UEVLD: variants seen among roughly 807,000 people sequenced by gnomAD.
UEVLD encodes ubiquitin-conjugating enzyme E2 variant 3.
In UEVLD, 47 loss-of-function variants were observed where a neutral mutation model predicts 58.6. The ratio of observed to expected loss-of-function variants is 0.80; its 90% CI spans 0.63 to 1.02. The LOEUF (loss-of-function observed/expected upper bound fraction) is 1.02. Ranked by LOEUF, UEVLD falls within the 50% of genes least tolerant of loss-of-function variation. UEVLD has a pLI of 0.00. For missense variants in UEVLD, 510 were observed against 550.6 expected, an observed-to-expected ratio of 0.93 and a Z score of 0.74; for synonymous variants, 197 against 195.3, an observed-to-expected ratio of 1.01 and a Z score of -0.07.
chr11:18,535,224 T>A (rs1049888829), intron 10 of UEVLD, among the ~76,000 whole-genome samples: 1 of 152,196 alleles, frequency 6.6e-6, no homozygotes, highest in Non-Finnish European at 1.5e-5. Flanking sequence ...GCTCAACTGA[T>A]CCTCCCATTT....
chr11:18,544,450 G>A (rs1448343592), intron 9 of UEVLD, among the ~76,000 whole-genome samples, 173 bp downstream of exon 9: 2 of 151,900 alleles, frequency 1.3e-5, no homozygotes, highest in Non-Finnish European at 2.9e-5. Flanking sequence ...TGGGACTACA[G>A]GCATGCACTA....
intron 6 of UEVLD, chr11:18,563,584 CT>C: frequency 1.3e-6 from 1 of 767,800 alleles, no homozygotes; most frequent in African/African-American, 1.9e-5. Flanking sequence ...GAACATGACC[CT>C]GTCTAAATAA....
At chr11:18,564,829 A>G (rs1852217654) in intron 6 of UEVLD, 63 bp downstream of exon 6, 7 of 1,229,860 alleles carry the variant, frequency 5.7e-6, no homozygotes, top group Non-Finnish European at 6.8e-6. Context: ...GGTGTGTAAA[A>G]CACAACCTGC....
At chr11:18,536,642 C>A in intron 9 of UEVLD, 173 bp from the exon 10 acceptor site, 3 of 559,976 alleles carry the variant, frequency 5.4e-6, no homozygotes, top group Non-Finnish European at 6.3e-6. Flanking sequence ...GTACCACTAG[C>A]CCGAGGTGAG....
chr11:18,585,510 G>A (rs894650545), intron 1 of UEVLD, among the ~76,000 whole-genome samples: 31 of 152,120 alleles, frequency 2.0e-4, no homozygotes, highest in African/African-American at 7.5e-4. Flanking sequence ...ACGATTCTAA[G>A]CCCTTTAGTC....
At position 18,578,720 on chromosome 11, in the gene UEVLD, T is replaced by C; in HGVS notation, c.127+4A>G. 1 of 1,592,530 alleles carries C rather than the reference T, an allele frequency of 6.3e-7. No individual in the cohort carries two copies. The highest frequency in any genetic ancestry group is 1.8e-5 in the Admixed American group (1 of 56,586). On this transcript the variant is annotated splice_donor_region_variant and intron_variant, in intron 2 of 11. Coordinates refer to ENST00000396197, the MANE Select transcript of UEVLD (RefSeq NM_001040697.4). The stretch of plus-strand genomic sequence containing the variant: ...GCATTTAAACTAGAGGATATGATTC[T>C]TACCATAGGTGTCCATGGAATATTT...
chr11:18,583,747 C>T (rs931068698), intron 1 of UEVLD, among the ~76,000 whole-genome samples: 20 of 149,932 alleles, frequency 1.3e-4, no homozygotes, highest in African/African-American at 4.9e-4. Context: ...CCGCAACCTG[C>T]ACTGCCCAGG....
chr11:18,583,956 A>AT (rs901571015), intron 1 of UEVLD, among the ~76,000 whole-genome samples: 3 of 152,126 alleles, frequency 2.0e-5, no homozygotes, highest in African/African-American at 7.2e-5. Flanking sequence ...CCACCGCAGT[A>AT]TTACCATTTT....
intron 3 of UEVLD, among the ~76,000 whole-genome samples, chr11:18,573,259 T>C (rs1336994489): frequency 6.6e-6 from 1 of 152,226 alleles, no homozygotes; most frequent in African/African-American, 2.4e-5. Context: ...CAGTAATTCA[T>C]TTAAATTCAC....
intron 9 of UEVLD, among the ~76,000 whole-genome samples, chr11:18,541,846 G>C (rs1168504325): frequency 6.6e-6 from 1 of 152,166 alleles, no homozygotes; most frequent in Non-Finnish European, 1.5e-5. Flanking sequence ...GCTGTGGGGT[G>C]GGCCTGGGAG....
chr11:18,545,054 ATATC>A (rs1320703096), intron 8 of UEVLD, among the ~76,000 whole-genome samples: 2 of 28,170 alleles, frequency 7.1e-5, no homozygotes, highest in Non-Finnish European at 7.2e-5. Context: ...ATCTATATCT[ATATC>A]TATATCTATA....
chr11:18,549,111 T>A (rs1205200176), intron 7 of UEVLD, among the ~76,000 whole-genome samples: 1 of 152,238 alleles, frequency 6.6e-6, no homozygotes, highest in Non-Finnish European at 1.5e-5. Context: ...TTAAATAAAC[T>A]GCTCAAAGTC....
rs1565125565 is a variant in UEVLD at position 18,560,137 on chromosome 11, A to ACACAC, written c.613-1808_613-1807insGTGTG. Among the ~76,000 whole-genome samples, 3 of 80,236 alleles carry ACACAC rather than the reference A, an allele frequency of 3.7e-5. 1 individual carries two copies. In the East Asian group the frequency reaches 1.7e-3, roughly 46 times the overall value. 52.6% of individuals were successfully genotyped at this position (80,236 alleles called of 152,430 possible). On this transcript the variant is annotated intron_variant, in intron 6 of 11. Coordinates refer to ENST00000396197, the MANE Select transcript of UEVLD (RefSeq NM_001040697.4). Reference sequence around the variant, plus strand: ...CACACACACACACACACACACACACACAGAGAGAGAAAGAAAATAACCCTG... The same window carrying ACACAC: ...CACACACACACACACACACACACACACACACCAGAGAGAGAAAGAAAATAACCCTG...
rs533020099 is a variant in UEVLD, at chr11:18,566,399, AGAT to A, written c.438_440del (p.Ser147del). 10 of 1,614,054 alleles carry A rather than the reference AGAT, an allele frequency of 6.2e-6. No homozygotes were observed. The highest frequency in any genetic ancestry group is 1.3e-5 in the African/African-American group (1 of 74,948). ...GCAAGTCTACCTGCCGTGCCTCATCAGATGATGATAGAGAATACATGGGAAGTT... is the reference window on the plus strand; with the variant it reads ...GCAAGTCTACCTGCCGTGCCTCATCAGATGATAGAGAATACATGGGAAGTT... On this transcript the variant is annotated inframe_deletion, in exon 5 of 12. Transcript: ENST00000396197.
intron 7 of UEVLD, among the ~76,000 whole-genome samples, chr11:18,552,530 G>A (rs949769044): frequency 2.6e-5 from 4 of 151,950 alleles, no homozygotes; most frequent in Admixed American, 6.6e-5. Context: ...CTGAGCAACC[G>A]AGCGAGACTG....
At chr11:18,561,569 CG>C (rs1852034162) in intron 6 of UEVLD, among the ~76,000 whole-genome samples, 1 of 152,080 alleles carries the variant, frequency 6.6e-6, no homozygotes, top group Non-Finnish European at 1.5e-5. Context: ...TGGCCAGGCA[CG>C]GTGGCTCACG....
intron 9 of UEVLD, among the ~76,000 whole-genome samples, chr11:18,538,190 G>A (rs1850890893): frequency 6.6e-6 from 1 of 152,090 alleles, no homozygotes; most frequent in African/African-American, 2.4e-5. Flanking sequence ...GACCCCATAT[G>A]TATCCAGATG....
In UEVLD at chr11:18,544,738, G is replaced by C. The variant is rs369393581; in HGVS notation, c.945C>G (p.Ile315Met). The change falls in exon 9 of 12, where the codon ATC becomes ATG. Residue 315 changes from isoleucine (I) to methionine (M), a missense_variant. By Grantham distance (10) the Ile-to-Met change is conservative. Coordinates refer to ENST00000396197, the MANE Select transcript of UEVLD (RefSeq NM_001040697.4). ...KLSTFPANRV[I>M]GIGCNLDSQR... is the part of the protein sequence containing the mutation. ...GTGAATCCAGATTACATCCAATTCC[G>C]ATCACTCGATTTGCAGGAAATGTAC... The C allele has an allele frequency of 4.5e-6, 7 of 1,569,864 alleles. No individual in the cohort carries two copies. Among genetic ancestry groups the C allele is most frequent in the Non-Finnish European group, 6.0e-6 (7 of 1,164,636 alleles).
intron 3 of UEVLD, among the ~76,000 whole-genome samples, chr11:18,571,007 T>C (rs1284497922): frequency 2.0e-5 from 3 of 151,438 alleles, no homozygotes; most frequent in East Asian, 1.9e-4. Context: ...GCCCAAATCC[T>C]GATGGAGTCA....
Sources: allele counts gnomAD v4.1 joint callset (sites outside exome capture counted in the v4.1 genomes callset), GRCh38; gene constraint gnomAD v4.1.1; transcripts MANE v1.5; gene names NCBI Gene and HGNC (gene_info 2026-07-23, HGNC 2026-07-21).